FBXL7: variants seen among roughly 807,000 people sequenced by gnomAD.
FBXL7 encodes the protein F-box and leucine rich repeat protein 7.
FBXL7 carries 12 observed loss-of-function variants against 38.3 expected under a neutral mutation model. That is an observed-to-expected ratio of 0.31 (90% CI 0.20 to 0.51). FBXL7 has a LOEUF of 0.51. Among genes scored for constraint, FBXL7 ranks in the 20% least tolerant of loss-of-function variants. The pLI, the probability that FBXL7 is intolerant of heterozygous loss-of-function variation, is 0.98. For missense variants in FBXL7, 567 were observed against 676.4 expected (o/e 0.84, Z 1.79); for synonymous variants, 297 against 300.9 (o/e 0.99, Z 0.13).
chr5:15,765,878 A>G (rs549604837), intron 2 of FBXL7, among the ~76,000 whole-genome samples: 6 of 151,814 alleles, frequency 4.0e-5, no homozygotes, highest in Non-Finnish European at 8.8e-5. Flanking sequence ...CTGCTCTCCA[A>G]CCCTACTCTC....
intron 2 of FBXL7, among the ~76,000 whole-genome samples, chr5:15,856,601 G>C (rs1240513604): frequency 1.3e-5 from 2 of 151,590 alleles, no homozygotes; most frequent in African/African-American, 4.8e-5. Context: ...ATAAAAGATA[G>C]AGACATCAAT....
intron 2 of FBXL7, among the ~76,000 whole-genome samples, chr5:15,927,133 A>G (rs1741895909): frequency 6.6e-6 from 1 of 152,078 alleles, no homozygotes; most frequent in South Asian, 2.1e-4. Context: ...TCCCTGGTCT[A>G]GACAGGGACT....
chr5:15,558,661 G>T lies in FBXL7; in HGVS notation c.38-57322G>T, dbSNP rs62353779. On this transcript the variant is annotated intron_variant, in intron 1 of 3. Coordinates refer to ENST00000504595, the MANE Select transcript of FBXL7 (RefSeq NM_012304.5). The stretch of plus-strand genomic sequence containing the variant: ...AAAATCCAAGCAATGGCAACTTCTT[G>T]TAGGTGAGGCCACATATGAAGCCTT... Among the ~76,000 whole-genome samples the T allele has an allele frequency of 7.8e-3, 1,191 of 152,356 alleles. 3 individuals are homozygous for T. The highest frequency in any genetic ancestry group is 0.014 in the Non-Finnish European group (951 of 68,030).
chr5:15,686,871 G>C (rs1743031565), intron 2 of FBXL7, among the ~76,000 whole-genome samples: 1 of 152,156 alleles, frequency 6.6e-6, no homozygotes, highest in South Asian at 2.1e-4. Flanking sequence ...CACCCACAGG[G>C]GCTTCAAGCA....
chr5:15,599,343 A>ATG (rs796865526), intron 1 of FBXL7, among the ~76,000 whole-genome samples: 1 of 152,064 alleles, frequency 6.6e-6, no homozygotes, highest in Non-Finnish European at 1.5e-5. Context: ...ATATGTGGAT[A>ATG]TGTGTGTGTG....
intron 3 of FBXL7, among the ~76,000 whole-genome samples, chr5:15,933,725 A>T (rs1451214018): frequency 6.6e-6 from 1 of 151,952 alleles, no homozygotes; most frequent in East Asian, 1.9e-4. Flanking sequence ...CCAGGGCCTG[A>T]GTGTCTAAGA....
intron 3 of FBXL7, among the ~76,000 whole-genome samples, chr5:15,933,211 G>T (rs915376339): frequency 6.6e-6 from 1 of 152,012 alleles, no homozygotes; most frequent in African/African-American, 2.4e-5. Context: ...TAAAATTATT[G>T]ATCTAAAATA....
intron 1 of FBXL7, chr5:15,501,788 A>G: frequency 1.0e-6 from 1 of 972,010 alleles, no homozygotes; most frequent in East Asian, 1.1e-4. Flanking sequence ...CCCTACAAAA[A>G]CCATATCCAC....
chr5:15,712,408 C>A (rs915303983), intron 2 of FBXL7, among the ~76,000 whole-genome samples: 1 of 150,050 alleles, frequency 6.7e-6, no homozygotes, highest in South Asian at 2.1e-4. Context: ...ACTGAAAAAC[C>A]TGATACATGA....
chr5:15,853,252 G>A (rs1162263795), intron 2 of FBXL7, among the ~76,000 whole-genome samples: 4 of 152,242 alleles, frequency 2.6e-5, no homozygotes, highest in Middle Eastern at 3.4e-3. Flanking sequence ...AGAGCCAGCC[G>A]GCACACCCCA....
In FBXL7 at chr5:15,890,388, A is replaced by G. The variant is rs527991690; in HGVS notation, c.128-37502A>G. Among the ~76,000 whole-genome samples, 15 of 152,234 alleles carry G rather than the reference A, an allele frequency of 9.9e-5. 1 individual carries two copies. The highest frequency in any genetic ancestry group is 3.6e-4 in the African/African-American group (15 of 41,538). On this transcript the variant is annotated intron_variant, in intron 2 of 3. Transcript: ENST00000504595. ...CTCAGCATCCCAAGTAGCTGGGATT[A>G]CAGGCATGACGCCCAGCTAATTTTG...
intron 2 of FBXL7, among the ~76,000 whole-genome samples, chr5:15,806,393 A>C (rs957663053): frequency 2.8e-5 from 4 of 141,442 alleles, no homozygotes; most frequent in Non-Finnish European, 5.9e-5. Flanking sequence ...GTGTAAAAAC[A>C]AAAAAACAAA....
At chr5:15,569,372 C>T (rs1738690437) in intron 1 of FBXL7, among the ~76,000 whole-genome samples, 1 of 150,748 alleles carries the variant, frequency 6.6e-6, no homozygotes, top group Non-Finnish European at 1.5e-5. Flanking sequence ...GGAGTTCACT[C>T]ATGATTTGGC....
At chr5:15,934,478 A>G (rs1742125459) in intron 3 of FBXL7, among the ~76,000 whole-genome samples, 1 of 151,796 alleles carries the variant, frequency 6.6e-6, no homozygotes, top group African/African-American at 2.4e-5. Context: ...ATATATAAAT[A>G]TATAAATTAT....
intron 2 of FBXL7, among the ~76,000 whole-genome samples, chr5:15,840,793 G>A (rs257765): frequency 0.54 from 79,258 of 145,960 alleles, 22,366 homozygotes; most frequent in Non-Finnish European, 0.64. Context: ...GTTGCAGTAA[G>A]CTGAGATCAC....
At chr5:15,728,741 G>C (rs927880759) in intron 2 of FBXL7, among the ~76,000 whole-genome samples, 11 of 152,132 alleles carry the variant, frequency 7.2e-5, no homozygotes, top group Non-Finnish European at 1.3e-4. Flanking sequence ...GGCTTGTACA[G>C]ACATCTCATG....
At chr5:15,635,601 A>G (rs1384334843) in intron 2 of FBXL7, among the ~76,000 whole-genome samples, 1 of 152,160 alleles carries the variant, frequency 6.6e-6, no homozygotes, top group Admixed American at 6.6e-5. Flanking sequence ...AGAGGGAGCA[A>G]TATAGGGGTA....
intron 1 of FBXL7, among the ~76,000 whole-genome samples, chr5:15,577,988 GTTC>G (rs1382248347): frequency 2.0e-5 from 3 of 152,160 alleles, no homozygotes; most frequent in African/African-American, 7.2e-5. Context: ...TGTGGGCTTT[GTTC>G]TTTGGATTCT....
intron 2 of FBXL7, among the ~76,000 whole-genome samples, chr5:15,687,438 C>T (rs540402695): frequency 6.6e-6 from 1 of 152,196 alleles, no homozygotes; most frequent in Non-Finnish European, 1.5e-5. Context: ...CCTTTGTTCT[C>T]CATCAAAGAG....
Sources: gnomAD v4.1 joint callset for allele counts (sites outside exome capture counted in the v4.1 genomes callset) on GRCh38, gnomAD v4.1.1 for gene constraint, MANE v1.5 for transcripts, NCBI Gene and HGNC (gene_info 2026-07-23, HGNC 2026-07-21) for gene names.